The following BBS9 variants were observed in gnomAD, a reference collection of about 807,000 sequenced individuals.
BBS9 encodes the protein Bardet-Biedl syndrome 9, also known as protein PTHB1.
Under a neutral mutation model 117.7 loss-of-function variants are expected in BBS9, and 89 were observed. That is an observed-to-expected ratio of 0.76 (90% CI 0.64 to 0.90). The LOEUF is 0.90. Ranked by LOEUF, BBS9 falls within the 40% of genes least tolerant of loss-of-function variation. BBS9 has a pLI of 0.00. For missense variants in BBS9, 982 were observed against 1,042.2 expected, an observed-to-expected ratio of 0.94 and a Z score of 0.80; for synonymous variants, 379 against 370.9, an observed-to-expected ratio of 1.02 and a Z score of -0.25.
At chr7:33,177,434 T>A in intron 4 of BBS9, 44 bp from the exon 5 acceptor site, 1 of 1,288,310 alleles carries the variant, frequency 7.8e-7, no homozygotes. Context: ...TAATGTTTTT[T>A]AGTGTACACA....
intron 7 of BBS9, among the ~76,000 whole-genome samples, chr7:33,272,024 A>C (rs750327733): frequency 6.6e-6 from 1 of 152,218 alleles, no homozygotes; most frequent in Non-Finnish European, 1.5e-5. Context: ...GATAAAGAAA[A>C]TGTGGTACAT....
intron 21 of BBS9, among the ~76,000 whole-genome samples, chr7:33,549,631 A>G (rs1030626390): frequency 4.0e-5 from 6 of 151,008 alleles, no homozygotes; most frequent in Admixed American, 2.6e-4. Flanking sequence ...ATGAACAGAC[A>G]CTTCTCAAAA....
At chr7:33,550,113 G>A (rs1854137680) in intron 21 of BBS9, among the ~76,000 whole-genome samples, 1 of 151,928 alleles carries the variant, frequency 6.6e-6, no homozygotes. Flanking sequence ...ATCTTTTATA[G>A]TACGGTTTTC....
intron 21 of BBS9, among the ~76,000 whole-genome samples, chr7:33,562,980 C>A (rs918755474): frequency 1.3e-5 from 2 of 151,924 alleles, no homozygotes; most frequent in African/African-American, 2.4e-5. Flanking sequence ...TTTACAAAAC[C>A]AAGAAATGCT....
intron 21 of BBS9, among the ~76,000 whole-genome samples, chr7:33,572,564 G>A (rs1441202139): frequency 1.3e-5 from 2 of 152,014 alleles, no homozygotes; most frequent in African/African-American, 4.8e-5. Flanking sequence ...CACCAACAGT[G>A]TACAAACATT....
At position 33,257,261 on chromosome 7, in the gene BBS9, T is replaced by G. The variant is rs772575725; in HGVS notation, c.468T>G (p.Ser156=). ...GTCGAGATTTAATTTGCATCCAGTC[T>G]ATGGATGGGATGCTGATGGTATTTG... ...VKGRDLICIQ[S]MDGMLMVFEQ... is the part of the protein sequence containing the mutation. The change falls in exon 6 of 23, where the codon TCT becomes TCG. Residue 156 remains serine (S), a synonymous_variant. Transcript: ENST00000242067. 1 of 1,612,804 alleles carries G rather than the reference T, an allele frequency of 6.2e-7. No homozygotes were observed. The highest frequency in any genetic ancestry group is 1.1e-5 in the South Asian group (1 of 91,032).
At chr7:33,461,102 T>C (rs1839405016) in intron 19 of BBS9, among the ~76,000 whole-genome samples, 1 of 152,082 alleles carries the variant, frequency 6.6e-6, no homozygotes, top group Admixed American at 6.6e-5. Flanking sequence ...GTCCATTATG[T>C]GGCTGTACCA....
chr7:33,565,809 A>ACTGC (rs1351996116), intron 21 of BBS9, among the ~76,000 whole-genome samples: 77 of 49,470 alleles, frequency 1.6e-3, no homozygotes, highest in African/African-American at 0.014. Flanking sequence ...ATATATATAT[A>ACTGC]TATATATATA....
intron 21 of BBS9, among the ~76,000 whole-genome samples, chr7:33,551,284 G>C (rs2392248): frequency 0.62 from 94,333 of 151,950 alleles, 30,245 homozygotes; most frequent in African/African-American, 0.77. Context: ...ATTAAGGGCT[G>C]AGGTGTAGGA....
At chr7:33,161,058 G>A (rs993138283) in intron 4 of BBS9, among the ~76,000 whole-genome samples, 1 of 152,074 alleles carries the variant, frequency 6.6e-6, no homozygotes, top group African/African-American at 2.4e-5. Context: ...AGGAATATGG[G>A]TTTGAAAAGC....
At chr7:33,245,714 C>A (rs1384419681) in intron 5 of BBS9, among the ~76,000 whole-genome samples, 1 of 152,032 alleles carries the variant, frequency 6.6e-6, no homozygotes, top group Non-Finnish European at 1.5e-5. Flanking sequence ...AACATAGTTT[C>A]TTGCTTTTAT....
At chr7:33,190,118 A>ATTT (rs35553731) in intron 5 of BBS9, among the ~76,000 whole-genome samples, 26 of 117,696 alleles carry the variant, frequency 2.2e-4, no homozygotes, top group African/African-American at 6.5e-4. Context: ...TTACATGGGG[A>ATTT]TTTTTTTTTT....
At chr7:33,590,252 T>G (rs1861616242) in intron 21 of BBS9, among the ~76,000 whole-genome samples, 1 of 151,972 alleles carries the variant, frequency 6.6e-6, no homozygotes, top group Non-Finnish European at 1.5e-5. Flanking sequence ...AGAGCATATA[T>G]AGAGAACTCT....
intron 21 of BBS9, among the ~76,000 whole-genome samples, chr7:33,596,297 C>T (rs1422941543): frequency 3.2e-5 from 4 of 125,870 alleles, no homozygotes; most frequent in Non-Finnish European, 6.5e-5. Flanking sequence ...CACACACACA[C>T]ACTTATATAT....
intron 20 of BBS9, among the ~76,000 whole-genome samples, chr7:33,515,690 G>C (rs968174056): frequency 4.6e-5 from 7 of 152,164 alleles, no homozygotes; most frequent in African/African-American, 1.2e-4. Context: ...TTTTTCCTGA[G>C]CTTAGTTGTA....
intron 21 of BBS9, among the ~76,000 whole-genome samples, chr7:33,627,433 A>C (rs1480998668): frequency 6.6e-6 from 1 of 152,180 alleles, no homozygotes; most frequent in Non-Finnish European, 1.5e-5. Context: ...GTGGGCTTGG[A>C]GCCCCCACAA....
chr7:33,487,880 G>C lies in BBS9; in HGVS notation c.2116-17583G>C, dbSNP rs182604952. ...TTGTCTCTTTTAACATAAAAAGACT[G>C]TCTCAACTTGATAGCCCACTATCAT... On this transcript the variant is annotated intron_variant, in intron 19 of 22. Transcript: ENST00000242067. Among the ~76,000 whole-genome samples, 1,049 of 152,280 alleles carry C rather than the reference G, an allele frequency of 6.9e-3. 6 individuals carry two copies. The highest frequency in any genetic ancestry group is 0.014 in the Middle Eastern group (4 of 294).
chr7:33,433,891 T>C (rs1834898161), intron 19 of BBS9, among the ~76,000 whole-genome samples: 2 of 152,138 alleles, frequency 1.3e-5, no homozygotes, highest in Admixed American at 1.3e-4. Context: ...CATCATCCTA[T>C]TGACAAGTTG....
intron 19 of BBS9, among the ~76,000 whole-genome samples, chr7:33,481,244 G>A (rs1298099259): frequency 2.6e-5 from 4 of 152,158 alleles, no homozygotes; most frequent in South Asian, 2.1e-4. Flanking sequence ...GTATGGATAG[G>A]TGATGAGTGA....
Sources: allele counts gnomAD v4.1 joint callset (sites outside exome capture counted in the v4.1 genomes callset), GRCh38; gene constraint gnomAD v4.1.1; transcripts MANE v1.5; gene names NCBI Gene and HGNC (gene_info 2026-07-23, HGNC 2026-07-21).